Variants in SYT5 observed in about 807,000 individuals in gnomAD.
The protein encoded by SYT5 is synaptotagmin-5.
Under a neutral mutation model 36.0 loss-of-function variants are expected in SYT5, and 29 were observed. The observed-to-expected ratio is 0.81, with a 90% CI of 0.60 to 1.10. The LOEUF (loss-of-function observed/expected upper bound fraction) is 1.10, where lower values mean the gene tolerates loss of function less well. Ranked by LOEUF, SYT5 falls within the 50% of genes least tolerant of loss-of-function variation. SYT5 has a pLI of 0.00. For synonymous variants in SYT5, 231 were observed against 227.6 expected (o/e 1.02, Z -0.14); for missense variants, 512 against 516.0 (o/e 0.99, Z 0.08).
rs1298440111 is a variant in SYT5, at chr19:55,172,938, G to C, written c.*546C>G. The C allele has an allele frequency of 6.5e-6, 1 of 152,676 alleles. No homozygotes were observed. The highest frequency in any genetic ancestry group is 1.5e-5 in the Non-Finnish European group (1 of 68,370). 9.5% of individuals were successfully genotyped at this position (152,676 alleles called of 1,614,324 possible). On this transcript the variant is annotated 3_prime_UTR_variant, in exon 9 of 9. Transcript: ENST00000354308. ...AGAGTGGTGAGTGAGGAATGAACGG[G>C]TGAGAGTGTGAGGGAGTCCATGGGG...
chr19:55,175,685 C>T lies in SYT5; in HGVS notation c.540+24G>A, dbSNP rs765785323. 5.6e-6 allele frequency: 9 copies of T among 1,610,540 alleles called. No individual in the cohort carries two copies. In the South Asian group the frequency reaches 7.7e-5, roughly 14 times the overall value. ...GGGACTGGGCACAGGCTATGGAACA[C>T]GGGGCCTGAAGGCAGGAGCTCACCT... On this transcript the variant is annotated intron_variant, in intron 5 of 8. Coordinates refer to ENST00000354308, the MANE Select transcript of SYT5 (RefSeq NM_003180.3). The surrounding 1 kb of genome is among the most constrained non-coding windows in gnomAD (Gnocchi z 4.5).
Position 55,175,427 on chromosome 19 carries a change from G to T in SYT5, c.541-88C>A. ...CAACCAGAAGGAAGGCATGGAGTGAGGCAGCGAGGGTCGAAGCGAACAGTT... is the reference window on the plus strand; with the variant it reads ...CAACCAGAAGGAAGGCATGGAGTGATGCAGCGAGGGTCGAAGCGAACAGTT... On this transcript the variant is annotated intron_variant, in intron 5 of 8. Transcript: ENST00000354308. The surrounding 1 kb of genome is among the most constrained non-coding windows in gnomAD (Gnocchi z 4.5). 1 of 1,374,322 alleles carries T rather than the reference G, an allele frequency of 7.3e-7. No individual in the cohort carries two copies. The highest frequency in any genetic ancestry group is 2.8e-5 in the Admixed American group (1 of 35,704). The allele number at this position is 1,374,322 out of a possible 1,614,324, so 85.1% of individuals were successfully genotyped here.
At position 55,178,978 on chromosome 19, in the gene SYT5, T is replaced by C; in HGVS notation, c.64A>G (p.Ile22Val). 3 of 1,571,036 alleles carry C rather than the reference T, an allele frequency of 1.9e-6. No individual in the cohort carries two copies. Among genetic ancestry groups the C allele is most frequent in the Non-Finnish European group, 2.6e-6 (3 of 1,158,864 alleles). The change falls in exon 2 of 9, where the codon ATC (isoleucine) becomes GTC (valine). Residue 22 changes from isoleucine to valine, a missense_variant. By Grantham distance (29) the Ile-to-Val change is conservative. Transcript: ENST00000354308. ...SPDTPPDSSR[I>V]SHGPVPPWAL... ...TCTTGCTCACCTGGGCCGTGGCTGA[T>C]GCGACTGGAGTCGGGAGGCGTGTCG...
chr19:55,173,446 G>T lies in SYT5; in HGVS notation c.*38C>A. Reference sequence around the variant, plus strand: ...CGGTCTCGGGAGTCTGGGGTCAGGGGCTAGAGTCCAGGCTTGGCCGGGGGC... The same window carrying T: ...CGGTCTCGGGAGTCTGGGGTCAGGGTCTAGAGTCCAGGCTTGGCCGGGGGC... On this transcript the variant is annotated 3_prime_UTR_variant, in exon 9 of 9. Coordinates refer to ENST00000354308, the MANE Select transcript of SYT5 (RefSeq NM_003180.3). The surrounding 1 kb of genome is among the most constrained non-coding windows in gnomAD (Gnocchi z 5.4). 2 of 1,328,274 alleles carry T rather than the reference G, an allele frequency of 1.5e-6. No individual in the cohort carries two copies. The highest frequency in any genetic ancestry group is 1.9e-5 in the South Asian group (1 of 51,718). 82.3% of individuals were successfully genotyped at this position (1,328,274 alleles called of 1,614,324 possible). A position where few individuals can be genotyped will look rare whatever the true frequency, so the allele number is the denominator to read the frequency against.
In SYT5 at chr19:55,178,960, C is replaced by A. The variant is rs746555328; in HGVS notation, c.79+3G>T. 2 of 1,542,174 alleles carry A rather than the reference C, an allele frequency of 1.3e-6. No individual in the cohort carries two copies. Among genetic ancestry groups the A allele is most frequent in the Non-Finnish European group, 1.7e-6 (2 of 1,145,434 alleles). On this transcript the variant is annotated splice_donor_region_variant and intron_variant, in intron 2 of 8. Transcript: ENST00000354308. ...CGGCCCCCCACCCCCGGGTCTTGCT[C>A]ACCTGGGCCGTGGCTGATGCGACTG...
rs2086064938 is a variant in SYT5, at chr19:55,175,437, G to C, written c.541-98C>G. The C allele has an allele frequency of 7.5e-7, 1 of 1,329,568 alleles. No individual in the cohort carries two copies. Among genetic ancestry groups the C allele is most frequent in the African/African-American group, 1.5e-5 (1 of 67,894 alleles). 82.4% of individuals were successfully genotyped at this position (1,329,568 alleles called of 1,614,324 possible). A position where few individuals can be genotyped will look rare whatever the true frequency, so the allele number is the denominator to read the frequency against. On this transcript the variant is annotated intron_variant, in intron 5 of 8. Coordinates refer to ENST00000354308, the MANE Select transcript of SYT5 (RefSeq NM_003180.3). This position sits in a 1 kb window ranked among gnomAD's most constrained non-coding sequence, Gnocchi z 4.5. ...GAAGGCATGGAGTGAGGCAGCGAGGGTCGAAGCGAACAGTTGGGGGAACTC... is the reference window on the plus strand; with the variant it reads ...GAAGGCATGGAGTGAGGCAGCGAGGCTCGAAGCGAACAGTTGGGGGAACTC...
chr19:55,173,365 TG>T lies in SYT5; in HGVS notation c.*118del. On this transcript the variant is annotated 3_prime_UTR_variant, in exon 9 of 9. Transcript: ENST00000354308. This position sits in a 1 kb window ranked among gnomAD's most constrained non-coding sequence, Gnocchi z 5.4. The stretch of plus-strand genomic sequence containing the variant: ...TGGTTCAGATGGTTGGGGTGGAAGG[TG>T]GGGGGAGGGTAACCGTCAGAGGAAG... The T allele has an allele frequency of 1.7e-5, 12 of 698,636 alleles. No individual in the cohort carries two copies. Among genetic ancestry groups the T allele is most frequent in the South Asian group, 8.0e-5 (2 of 24,938 alleles). 43.3% of individuals were successfully genotyped at this position (698,636 alleles called of 1,614,324 possible). A position where few individuals can be genotyped will look rare whatever the true frequency, so the allele number is the denominator to read the frequency against.
intron 3 of SYT5, chr19:55,177,401 C>T (rs184713172): frequency 5.9e-5 from 9 of 152,348 alleles, no homozygotes; most frequent in African/African-American, 2.2e-4. Flanking sequence ...TCTCAGTTAA[C>T]TCTGTCCCTC....
At chr19:55,178,112 G>T in intron 3 of SYT5, 84 bp downstream of exon 3, 1 of 1,473,824 alleles carries the variant, frequency 6.8e-7, no homozygotes, top group Non-Finnish European at 9.1e-7. Context: ...AGGACAGAAG[G>T]GAGCAGGGAC....
At position 55,173,478 on chromosome 19, in the gene SYT5, T is replaced by G. The variant is rs1599939376; in HGVS notation, c.*6A>C. The G allele has an allele frequency of 6.0e-6, 8 of 1,340,036 alleles. No homozygotes were observed. Among genetic ancestry groups the G allele is most frequent in the Admixed American group, 4.1e-5 (1 of 24,282 alleles). The allele number at this position is 1,340,036 out of a possible 1,614,324, so 83.0% of individuals were successfully genotyped here. A position where few individuals can be genotyped will look rare whatever the true frequency, so the allele number is the denominator to read the frequency against. On this transcript the variant is annotated 3_prime_UTR_variant, in exon 9 of 9. Coordinates refer to ENST00000354308, the MANE Select transcript of SYT5 (RefSeq NM_003180.3). This position sits in a 1 kb window ranked among gnomAD's most constrained non-coding sequence, Gnocchi z 5.4. ...TCCAGGCTTGGCCGGGGGCTTGGGG[T>G]GGGAGTCAGGGCGCAGGCAGCAGCC...
In SYT5 at chr19:55,173,731, A is replaced by G; in HGVS notation, c.961-47T>C. The G allele has an allele frequency of 7.7e-7, 1 of 1,303,112 alleles. No homozygotes were observed. 80.7% of individuals were successfully genotyped at this position (1,303,112 alleles called of 1,614,324 possible). A position where few individuals can be genotyped will look rare whatever the true frequency, so the allele number is the denominator to read the frequency against. ...GAGGAGAGAGGAGCGTGAGGGGAGG[A>G]GGCCCCGGAAGGGGCGGTGTCCGTT... is the stretch of plus-strand genomic sequence containing the variant. On this transcript the variant is annotated intron_variant, in intron 8 of 8. Transcript: ENST00000354308. This position sits in a 1 kb window ranked among gnomAD's most constrained non-coding sequence, Gnocchi z 5.4.
intron 3 of SYT5, 43 bp from the exon 4 acceptor site, chr19:55,176,167 TAGC>T: frequency 6.2e-7 from 1 of 1,612,716 alleles, no homozygotes; most frequent in Non-Finnish European, 8.5e-7. Flanking sequence ...CTTCCCCTGA[TAGC>T]AGTATCCATC....
In SYT5 at chr19:55,173,827, G is replaced by T; in HGVS notation, c.961-143C>A. On this transcript the variant is annotated intron_variant, in intron 8 of 8. Transcript: ENST00000354308. The surrounding 1 kb of genome is among the most constrained non-coding windows in gnomAD (Gnocchi z 5.4). ...CCCGGAGCTCGGGACGGGGGAGGGG[G>T]TGGGAGACGAGAGGGACGGAGCCTG... The T allele has an allele frequency of 1.2e-6, 1 of 821,244 alleles. No individual in the cohort carries two copies. Among genetic ancestry groups the T allele is most frequent in the Non-Finnish European group, 1.7e-6 (1 of 590,320 alleles). 50.9% of individuals were successfully genotyped at this position (821,244 alleles called of 1,614,324 possible). A position where few individuals can be genotyped will look rare whatever the true frequency, so the allele number is the denominator to read the frequency against.
intron 3 of SYT5, chr19:55,177,103 C>T (rs769058121): frequency 2.6e-5 from 4 of 152,484 alleles, no homozygotes; most frequent in Non-Finnish European, 5.9e-5. Flanking sequence ...GCACTGGCCT[C>T]GTCCCTGGAT....
Position 55,175,574 on chromosome 19 carries a change from A to C in SYT5, c.540+135T>G. 2 of 1,264,768 alleles carry C rather than the reference A, an allele frequency of 1.6e-6. No homozygotes were observed. Among genetic ancestry groups the C allele is most frequent in the Admixed American group, 4.4e-5 (2 of 45,796 alleles). 78.3% of individuals were successfully genotyped at this position (1,264,768 alleles called of 1,614,324 possible). A position where few individuals can be genotyped will look rare whatever the true frequency, so the allele number is the denominator to read the frequency against. ...CAGGAGTCAGTAGTGCCCAGGGTCC[A>C]GTGGAATAGCCCCAGAGCTGGTAGC... On this transcript the variant is annotated intron_variant, in intron 5 of 8. Transcript: ENST00000354308. This position sits in a 1 kb window ranked among gnomAD's most constrained non-coding sequence, Gnocchi z 4.5.
rs1313995748 is a variant in SYT5 at position 55,175,756 on chromosome 19, G to C, written c.493C>G (p.His165Asp). The C allele has an allele frequency of 6.2e-7, 1 of 1,614,040 alleles. No homozygotes were observed. Among genetic ancestry groups the C allele is most frequent in the African/African-American group, 1.3e-5 (1 of 74,924 alleles). The change falls in exon 5 of 9, where the codon CAT becomes GAT. Residue 165 changes from histidine (H) to aspartate (D), a missense_variant. Transcript: ENST00000354308. This position sits in a 1 kb window ranked among gnomAD's most constrained non-coding sequence, Gnocchi z 4.5. ...DKRRRYETKV[H>D]RQTLNPHFGE... ...AAGTGAGGGTTCAGCGTCTGCCGAT[G>C]CACCTTGGTCTCGTACCGCCTCCGT...
chr19:55,173,737 C>G lies in SYT5; in HGVS notation c.961-53G>C. 7.7e-7 allele frequency: 1 copy of G among 1,297,936 alleles called. No individual in the cohort carries two copies. Among genetic ancestry groups the G allele is most frequent in the Non-Finnish European group, 9.8e-7 (1 of 1,015,374 alleles). The allele number at this position is 1,297,936 out of a possible 1,614,324, so 80.4% of individuals were successfully genotyped here. ...AGAGGAGCGTGAGGGGAGGAGGCCC[C>G]GGAAGGGGCGGTGTCCGTTTTCACG... is the stretch of plus-strand genomic sequence containing the variant. On this transcript the variant is annotated intron_variant, in intron 8 of 8. Coordinates refer to ENST00000354308, the MANE Select transcript of SYT5 (RefSeq NM_003180.3). This position sits in a 1 kb window ranked among gnomAD's most constrained non-coding sequence, Gnocchi z 5.4.
At position 55,175,243 on chromosome 19, in the gene SYT5, G is replaced by A. The variant is rs2086061768; in HGVS notation, c.637C>T (p.Pro213Ser). ...RNDAIGEVRV[P>S]MSSVDLGRPV... ...CGCCCCAGGTCCACGGAGCTCATAG[G>A]GACCCGCACCTCCCCGATGGCGTCA... The change falls in exon 6 of 9, where the codon CCT becomes TCT. Residue 213 changes from proline to serine, a missense_variant. Coordinates refer to ENST00000354308, the MANE Select transcript of SYT5 (RefSeq NM_003180.3). This position sits in a 1 kb window ranked among gnomAD's most constrained non-coding sequence, Gnocchi z 4.5. 6.2e-7 allele frequency: 1 copy of A among 1,609,682 alleles called. No homozygotes were observed. The highest frequency in any genetic ancestry group is 8.5e-7 in the Non-Finnish European group (1 of 1,178,742).
In SYT5 at chr19:55,178,975, T is replaced by G. The variant is rs768932757; in HGVS notation, c.67A>C (p.Ser23Arg). 91 of 1,569,074 alleles carry G rather than the reference T, an allele frequency of 5.8e-5. No individual in the cohort carries two copies. The South Asian group carries it at 9.4e-4, about 16-fold the overall frequency. ...GGGTCTTGCTCACCTGGGCCGTGGCTGATGCGACTGGAGTCGGGAGGCGTG... is the reference window on the plus strand; with the variant it reads ...GGGTCTTGCTCACCTGGGCCGTGGCGGATGCGACTGGAGTCGGGAGGCGTG... Reference protein sequence around the residue: ...PDTPPDSSRISHGPVPPWALA... With the variant: ...PDTPPDSSRIRHGPVPPWALA... The change falls in exon 2 of 9, where the codon AGC becomes CGC. Residue 23 changes from serine to arginine, a missense_variant. Coordinates refer to ENST00000354308, the MANE Select transcript of SYT5 (RefSeq NM_003180.3).
Sources: allele counts gnomAD v4.1 joint callset, GRCh38; gene constraint gnomAD v4.1.1; non-coding constraint Gnocchi (gnomAD v3.1); transcripts MANE v1.5; gene names NCBI Gene and HGNC (gene_info 2026-07-23, HGNC 2026-07-21).